Variants in FANCC observed in about 807,000 individuals in gnomAD.
FANCC encodes the protein Fanconi anemia group C protein.
In FANCC, 55 loss-of-function variants were observed where a neutral mutation model predicts 71.3. That is an observed-to-expected ratio of 0.77 (90% CI 0.62 to 0.97). The LOEUF is 0.97. Among genes scored for constraint, FANCC ranks in the 50% least tolerant of loss-of-function variants. The pLI, the probability that FANCC is intolerant of heterozygous loss-of-function variation, is 0.00. For synonymous variants in FANCC, 275 were observed against 244.9 expected (o/e 1.12, Z -1.15); for missense variants, 678 against 670.9 (o/e 1.01, Z -0.12).
chr9:95,301,887 C>G (rs1834755732), intron 1 of FANCC, among the ~76,000 whole-genome samples: 1 of 146,282 alleles, frequency 6.8e-6, no homozygotes. Context: ...ACCATCCTGG[C>G]TAACACGGTG....
intron 12 of FANCC, chr9:95,113,773 C>A (rs1212806987): frequency 6.6e-6 from 1 of 152,174 alleles, no homozygotes; most frequent in Admixed American, 6.5e-5. Flanking sequence ...CAGGCACCCG[C>A]CACCACGCCC....
In FANCC at chr9:95,113,313, T is replaced by C. The variant is rs541610449; in HGVS notation, c.1154+1316A>G. Among the ~76,000 whole-genome samples, 6 of 152,306 alleles carry C rather than the reference T, an allele frequency of 3.9e-5. No individual in the cohort carries two copies. The South Asian group carries it at 1.0e-3, about 26-fold the overall frequency. On this transcript the variant is annotated intron_variant, in intron 12 of 14. Coordinates refer to ENST00000289081, the MANE Select transcript of FANCC (RefSeq NM_000136.3). ...CAACTCGGTGTGAGACTACAGAGAA[T>C]TCCAGGAGTGAAAAGTGGCAAAAGG...
At chr9:95,163,876 C>A (rs992521485) in intron 6 of FANCC, among the ~76,000 whole-genome samples, 7 of 151,976 alleles carry the variant, frequency 4.6e-5, no homozygotes, top group Admixed American at 1.3e-4. Flanking sequence ...AACAAACAAA[C>A]CCCAAAAAAA....
intron 1 of FANCC, among the ~76,000 whole-genome samples, chr9:95,316,459 C>T (rs546562719): frequency 3.0e-4 from 46 of 152,330 alleles, no homozygotes; most frequent in African/African-American, 1.1e-3. Flanking sequence ...TGTCTGAGGG[C>T]ATATCACTGA....
At chr9:95,270,596 G>A (rs977343254) in intron 1 of FANCC, among the ~76,000 whole-genome samples, 2 of 152,262 alleles carry the variant, frequency 1.3e-5, no homozygotes, top group Admixed American at 6.5e-5. Flanking sequence ...CAAGGAGCAG[G>A]CAGCAGTCGC....
In FANCC at chr9:95,242,211, T is replaced by G. The variant is rs571664206; in HGVS notation, c.251-1468A>C. Reference sequence around the variant, plus strand: ...TTTTATGAGCTCAAATAAAGCATTATAAAGCACTGGCTTGCCTGAGATCAG... The same window carrying G: ...TTTTATGAGCTCAAATAAAGCATTAGAAAGCACTGGCTTGCCTGAGATCAG... On this transcript the variant is annotated intron_variant, in intron 3 of 14. Coordinates refer to ENST00000289081, the MANE Select transcript of FANCC (RefSeq NM_000136.3). 3.3e-5 allele frequency among the ~76,000 whole-genome samples: 5 copies of G among 152,288 alleles called. No homozygotes were observed. The East Asian group carries it at 9.6e-4, about 29-fold the overall frequency.
intron 1 of FANCC, among the ~76,000 whole-genome samples, chr9:95,297,465 A>C (rs1160855610): frequency 6.6e-6 from 1 of 152,136 alleles, no homozygotes; most frequent in African/African-American, 2.4e-5. Context: ...CCGCTTTCTT[A>C]GAAGGAGATA....
chr9:95,123,427 C>T (rs907609252), intron 10 of FANCC: 2 of 456,976 alleles, frequency 4.4e-6, no homozygotes, highest in African/African-American at 2.0e-5. Context: ...ATTGCTTGAG[C>T]CTCAGAGGTT....
intron 4 of FANCC, among the ~76,000 whole-genome samples, chr9:95,195,717 A>G (rs1461518957): frequency 1.3e-5 from 2 of 152,212 alleles, no homozygotes; most frequent in Non-Finnish European, 2.9e-5. Flanking sequence ...TGACATCTTT[A>G]CTAAGTTGAG....
At chr9:95,106,307 GTTGT>G (rs1197433430) in intron 14 of FANCC, among the ~76,000 whole-genome samples, 3 of 152,130 alleles carry the variant, frequency 2.0e-5, no homozygotes, top group African/African-American at 7.2e-5. Context: ...TTTGAATTGG[GTTGT>G]TTATCTTTTT....
At chr9:95,247,930 A>G (rs2136093800) in intron 2 of FANCC, among the ~76,000 whole-genome samples, 1 of 152,338 alleles carries the variant, frequency 6.6e-6, no homozygotes, top group Non-Finnish European at 1.5e-5. Context: ...AGAGGTTACG[A>G]ACTCAGCTCC....
chr9:95,236,754 C>T (rs1331894725), intron 4 of FANCC, among the ~76,000 whole-genome samples: 3 of 152,190 alleles, frequency 2.0e-5, no homozygotes, highest in Admixed American at 2.0e-4. Flanking sequence ...TTTATTACCA[C>T]AATTAGAACA....
intron 1 of FANCC, among the ~76,000 whole-genome samples, chr9:95,291,982 A>G (rs1246442145): frequency 7.1e-6 from 1 of 140,156 alleles, no homozygotes; most frequent in African/African-American, 2.6e-5. Context: ...ATATATATAT[A>G]TATATATATA....
chr9:95,277,670 T>C lies in FANCC; in HGVS notation c.-78-28301A>G, dbSNP rs528502800. Among the ~76,000 whole-genome samples, 43 of 151,962 alleles carry C rather than the reference T, an allele frequency of 2.8e-4. 1 individual carries two copies. The highest frequency in any genetic ancestry group is 9.2e-4 in the African/African-American group (38 of 41,442). On this transcript the variant is annotated intron_variant, in intron 1 of 14. Transcript: ENST00000289081. ...AAGGAGAAAGTCTTAAAAGCAGAAA[T>C]AGAAAAATAGCCCATTACTTACAAG...
intron 10 of FANCC, chr9:95,123,443 C>G (rs1458480859): frequency 2.2e-6 from 1 of 459,382 alleles, no homozygotes; most frequent in Admixed American, 2.4e-5. Flanking sequence ...AGGTTGAGAC[C>G]AGCCCGGGCA....
intron 14 of FANCC, among the ~76,000 whole-genome samples, chr9:95,103,692 C>T (rs1248162921): frequency 2.0e-5 from 3 of 152,198 alleles, no homozygotes; most frequent in Admixed American, 6.5e-5. Flanking sequence ...TGGGGAAAAT[C>T]GGAGGGCCGA....
At chr9:95,125,568 C>A (rs1168353657) in intron 9 of FANCC, among the ~76,000 whole-genome samples, 1 of 152,138 alleles carries the variant, frequency 6.6e-6, no homozygotes, top group Non-Finnish European at 1.5e-5. Flanking sequence ...ATCCACCCAG[C>A]AAAGTAGGAA....
intron 1 of FANCC, chr9:95,293,695 C>T: frequency 6.2e-7 from 1 of 1,613,868 alleles, no homozygotes; most frequent in Non-Finnish European, 8.5e-7. Context: ...TCTCAAGTGT[C>T]TCTTCCCATT....
chr9:95,105,462 A>T (rs1388939540), intron 14 of FANCC, among the ~76,000 whole-genome samples: 1 of 152,232 alleles, frequency 6.6e-6, no homozygotes, highest in African/African-American at 2.4e-5. Flanking sequence ...AAATAAAACA[A>T]AACTCCCAGA....
Sources: allele counts gnomAD v4.1 joint callset (sites outside exome capture counted in the v4.1 genomes callset), GRCh38; gene constraint gnomAD v4.1.1; transcripts MANE v1.5; gene names NCBI Gene and HGNC (gene_info 2026-07-23, HGNC 2026-07-21).